ATF1: variants seen among roughly 807,000 people sequenced by gnomAD.
ATF1 encodes activating transcription factor 1.
A neutral mutation model predicts 34.7 loss-of-function variants in ATF1; 16 were observed. That is an observed-to-expected ratio of 0.46 (90% CI 0.31 to 0.70). The LOEUF (loss-of-function observed/expected upper bound fraction) is 0.70. Among genes scored for constraint, ATF1 ranks in the 30% least tolerant of loss-of-function variants. The pLI, the probability that ATF1 is intolerant of heterozygous loss-of-function variation, is 0.05. For synonymous variants in ATF1, 105 were observed against 113.1 expected (o/e 0.93, Z 0.46); for missense variants, 255 against 321.6 (o/e 0.79, Z 1.58).
chr12:50,765,619 A>G (rs1592160540), intron 1 of ATF1, among the ~76,000 whole-genome samples: 1 of 152,196 alleles, frequency 6.6e-6, no homozygotes. Flanking sequence ...GCTGAAACCT[A>G]CTGGGCTGCA....
intron 1 of ATF1, among the ~76,000 whole-genome samples, chr12:50,773,474 A>G (rs1940832731): frequency 7.4e-6 from 1 of 135,814 alleles, no homozygotes; most frequent in African/African-American, 2.7e-5. Flanking sequence ...TTTCGAGACA[A>G]AGTCTCATTC....
chr12:50,771,602 G>T (rs1390983460), intron 1 of ATF1, among the ~76,000 whole-genome samples: 1 of 152,070 alleles, frequency 6.6e-6, no homozygotes, highest in African/African-American at 2.4e-5. Context: ...TAGACGGGGG[G>T]AAATGTCAGA....
chr12:50,809,696 A>C, intron 4 of ATF1, 107 bp downstream of exon 4: 1 of 1,223,272 alleles, frequency 8.2e-7, no homozygotes, highest in Non-Finnish European at 1.1e-6. Context: ...GATGATTATT[A>C]AAGGATGTTT....
chr12:50,792,083 T>G (rs1202473996), intron 2 of ATF1, among the ~76,000 whole-genome samples: 1 of 152,160 alleles, frequency 6.6e-6, no homozygotes, highest in East Asian at 1.9e-4. Flanking sequence ...TCCAGTCCCC[T>G]AACTCCTGCC....
intron 1 of ATF1, among the ~76,000 whole-genome samples, chr12:50,775,064 T>G (rs1299132042): frequency 6.6e-6 from 1 of 151,906 alleles, no homozygotes; most frequent in Non-Finnish European, 1.5e-5. Context: ...TTTGATATGT[T>G]GATTCTTCAT....
At position 50,809,448 on chromosome 12, in the gene ATF1, T is replaced by C. The variant is rs779845448; in HGVS notation, c.195-8T>C. On this transcript the variant is annotated splice_region_variant and splice_polypyrimidine_tract_variant and intron_variant, in intron 3 of 6. Coordinates refer to ENST00000262053, the MANE Select transcript of ATF1 (RefSeq NM_005171.5). ...CAATGTTTAATAGAGTTCTGGTTTT[T>C]TTTACAGAAAAATTTTGAAAGACTT... 8.7e-6 allele frequency: 14 copies of C among 1,608,686 alleles called. No homozygotes were observed. Among genetic ancestry groups the C allele is most frequent in the Non-Finnish European group, 1.2e-5 (14 of 1,176,598 alleles).
intron 3 of ATF1, 82 bp from the exon 4 acceptor site, chr12:50,809,373 CA>C (rs56060219): frequency 0.23 from 175,881 of 751,752 alleles, 2,688 homozygotes; most frequent in East Asian, 0.28. Context: ...GATCTTGTCT[CA>C]AAAAAAAAAA....
At chr12:50,792,351 G>A (rs1941323824) in intron 2 of ATF1, among the ~76,000 whole-genome samples, 1 of 152,172 alleles carries the variant, frequency 6.6e-6, no homozygotes, top group Admixed American at 6.5e-5. Context: ...GCTATCTTAT[G>A]TGCATAGGTA....
intron 2 of ATF1, among the ~76,000 whole-genome samples, chr12:50,787,053 C>T (rs1190376299): frequency 6.6e-6 from 1 of 152,184 alleles, no homozygotes; most frequent in Non-Finnish European, 1.5e-5. Context: ...AAATCCAAAC[C>T]CAGCTCAGTT....
At chr12:50,796,977 C>T (rs1054704960) in intron 3 of ATF1, among the ~76,000 whole-genome samples, 2 of 152,078 alleles carry the variant, frequency 1.3e-5, no homozygotes, top group African/African-American at 4.8e-5. Context: ...AGGCAACTTA[C>T]GGACTGGGAA....
At chr12:50,783,989 T>C (rs2139655266) in intron 2 of ATF1, among the ~76,000 whole-genome samples, 4 of 152,098 alleles carry the variant, frequency 2.6e-5, no homozygotes, top group Admixed American at 2.6e-4. Context: ...AGTGAGACTC[T>C]GTCTCTACTA....
intron 1 of ATF1, among the ~76,000 whole-genome samples, chr12:50,778,224 CTT>C (rs71086479): frequency 5.9e-4 from 57 of 96,378 alleles, no homozygotes; most frequent in South Asian, 3.8e-3. Context: ...CCATATTAAC[CTT>C]TTTTTTTTTT....
At position 50,820,874 on chromosome 12, in the gene ATF1, A is replaced by G. The variant is rs1941936354; in HGVS notation, c.*1095A>G. 5.6e-6 allele frequency: 1 copy of G among 178,854 alleles called. No homozygotes were observed. The highest frequency in any genetic ancestry group is 2.4e-5 in the African/African-American group (1 of 42,358). The allele number at this position is 178,854 out of a possible 1,614,324, so 11.1% of individuals were successfully genotyped here. A position where few individuals can be genotyped will look rare whatever the true frequency, so the allele number is the denominator to read the frequency against. On this transcript the variant is annotated 3_prime_UTR_variant, in exon 7 of 7. Transcript: ENST00000262053. ...TTTAATGATTATTTTAAATGTTTATATAGTTTAGTAAAATTTGCATCTCAA... is the reference window on the plus strand; with the variant it reads ...TTTAATGATTATTTTAAATGTTTATGTAGTTTAGTAAAATTTGCATCTCAA...
chr12:50,798,941 A>C (rs1941463606), intron 3 of ATF1, among the ~76,000 whole-genome samples: 1 of 152,212 alleles, frequency 6.6e-6, no homozygotes, highest in South Asian at 2.1e-4. Flanking sequence ...CCATTGCCCA[A>C]ATTCTAGACT....
At position 50,765,513 on chromosome 12, in the gene ATF1, TTTTGTTTG is replaced by T. The variant is rs144997003; in HGVS notation, c.-7+1222_-7+1229del. 8.5e-3 allele frequency among the ~76,000 whole-genome samples: 1,287 copies of T among 152,248 alleles called. 12 individuals carry two copies. The highest frequency in any genetic ancestry group is 0.017 in the Middle Eastern group (5 of 294). ...GCTATCTTTGCCAGTTTTTGTTTTG[TTTTGTTTG>T]TTTGTTTGTTTGTTTTTAAATAGAG... On this transcript the variant is annotated intron_variant, in intron 1 of 6. Coordinates refer to ENST00000262053, the MANE Select transcript of ATF1 (RefSeq NM_005171.5).
Position 50,808,051 on chromosome 12 carries a change from C to CA in ATF1, c.195-1405_195-1404insA, listed in dbSNP as rs1360792890. On this transcript the variant is annotated intron_variant, in intron 3 of 6. Transcript: ENST00000262053. ...TCTTGAACTCCGGACCTCAGGTGAT[C>CA]CGCCTGCCTTGGCCTCCCACAGTGC... is the stretch of plus-strand genomic sequence containing the variant. Among the ~76,000 whole-genome samples the CA allele has an allele frequency of 2.0e-5, 3 of 152,168 alleles. No individual in the cohort carries two copies. In the East Asian group the frequency reaches 5.8e-4, roughly 30 times the overall value.
At chr12:50,799,221 C>CA (rs1472896844) in intron 3 of ATF1, among the ~76,000 whole-genome samples, 6 of 152,036 alleles carry the variant, frequency 3.9e-5, no homozygotes, top group African/African-American at 7.2e-5. Context: ...CCTGTCTCTA[C>CA]AAAAAATACA....
At chr12:50,807,792 T>C (rs1442566007) in intron 3 of ATF1, among the ~76,000 whole-genome samples, 1 of 142,552 alleles carries the variant, frequency 7.0e-6, no homozygotes, top group Admixed American at 7.4e-5. Context: ...CTACCCCCAA[T>C]TGTGTGTGTG....
intron 1 of ATF1, among the ~76,000 whole-genome samples, chr12:50,769,337 T>G (rs1940715702): frequency 6.6e-6 from 1 of 152,024 alleles, no homozygotes; most frequent in Non-Finnish European, 1.5e-5. Flanking sequence ...AAACCCCATC[T>G]CTATCAAAAA....
Sources: gnomAD v4.1 joint callset for allele counts (sites outside exome capture counted in the v4.1 genomes callset) on GRCh38, gnomAD v4.1.1 for gene constraint, MANE v1.5 for transcripts, NCBI Gene and HGNC (gene_info 2026-07-23, HGNC 2026-07-21) for gene names.